The following IL1RAPL1 variants were observed in gnomAD, a reference collection of about 807,000 sequenced individuals.
IL1RAPL1 encodes interleukin-1 receptor accessory protein-like 1.
In IL1RAPL1, 3 loss-of-function variants were observed where a neutral mutation model predicts 48.4. The observed-to-expected ratio is 0.06, with a 90% CI of 0.03 to 0.16. The LOEUF (loss-of-function observed/expected upper bound fraction) is 0.16. IL1RAPL1 is among the 10% of genes least tolerant of loss of function. The pLI is 1.00. For synonymous variants in IL1RAPL1, 185 were observed against 187.7 expected (o/e 0.99, Z 0.12); for missense variants, 349 against 530.6 (o/e 0.66, Z 3.36).
intron 6 of IL1RAPL1, among the ~76,000 whole-genome samples, chrX:29,875,495 C>T (rs1198055469): frequency 9.0e-6 from 1 of 111,233 alleles, no homozygotes; most frequent in Non-Finnish European, 1.9e-5. Flanking sequence ...TTCCTGAGCC[C>T]GCTACAGATT....
intron 5 of IL1RAPL1, among the ~76,000 whole-genome samples, chrX:29,599,007 TGGAGTTTTGA>T (rs1300971632): frequency 8.9e-6 from 1 of 112,199 alleles, no homozygotes; most frequent in Non-Finnish European, 1.9e-5. Flanking sequence ...TCTTTTAAAG[TGGAGTTTTGA>T]GGTCATTTAC....
At chrX:29,080,980 CTTTCTT>C (rs1436180833) in intron 2 of IL1RAPL1, among the ~76,000 whole-genome samples, 42 of 43,557 alleles carry the variant, frequency 9.6e-4, no homozygotes, top group East Asian at 4.2e-3. Context: ...TTCTTTCTTT[CTTTCTT>C]TCTTTCTTTC....
At chrX:29,319,520 A>T (rs1343999020) in intron 3 of IL1RAPL1, among the ~76,000 whole-genome samples, 3 of 79,633 alleles carry the variant, frequency 3.8e-5, no homozygotes, top group African/African-American at 6.0e-5. Context: ...GATATTTTGT[A>T]TGTATGTATG....
At chrX:28,736,159 C>T (rs759432351) in intron 1 of IL1RAPL1, among the ~76,000 whole-genome samples, 3 of 111,099 alleles carry the variant, frequency 2.7e-5, no homozygotes, top group Admixed American at 9.6e-5. Context: ...ACAGGCTGGG[C>T]GTGGTGGCTC....
rs144206407 is a variant in IL1RAPL1 at position 28,631,442 on chromosome X, T to C, written c.-25+43395T>C. 8.8e-3 allele frequency among the ~76,000 whole-genome samples: 983 copies of C among 111,585 alleles called. 12 individuals are homozygous for C. The highest frequency in any genetic ancestry group is 0.03 in the African/African-American group (928 of 30,724). ...AAAGAGCAATAAAATAAAATAAATA[T>C]CTAATTGCACACTGTAATAAGTGCT... On this transcript the variant is annotated intron_variant, in intron 1 of 10. Transcript: ENST00000378993.
chrX:29,548,556 T>A (rs1921703735), intron 5 of IL1RAPL1, among the ~76,000 whole-genome samples: 2 of 112,348 alleles, frequency 1.8e-5, no homozygotes, highest in Admixed American at 1.9e-4. Flanking sequence ...AACTAATATA[T>A]GTTTTTAAAA....
At chrX:29,052,083 T>C (rs939442692) in intron 2 of IL1RAPL1, among the ~76,000 whole-genome samples, 24 of 112,311 alleles carry the variant, frequency 2.1e-4, no homozygotes, top group African/African-American at 7.7e-4. Context: ...TAAATGGGAA[T>C]TTAGCACCTC....
chrX:29,612,270 C>T (rs1261828017), intron 5 of IL1RAPL1, among the ~76,000 whole-genome samples: 1 of 110,165 alleles, frequency 9.1e-6, no homozygotes, highest in Non-Finnish European at 1.9e-5. Flanking sequence ...GTCAATGGAC[C>T]CTTTAGAGTT....
intron 1 of IL1RAPL1, among the ~76,000 whole-genome samples, chrX:28,645,957 T>C (rs1934603484): frequency 8.9e-6 from 1 of 111,957 alleles, no homozygotes; most frequent in Admixed American, 9.5e-5. Context: ...CAAATGCATA[T>C]AACCTGTGAG....
chrX:29,308,264 C>T (rs185565792), intron 3 of IL1RAPL1, among the ~76,000 whole-genome samples: 109 of 111,704 alleles, frequency 9.8e-4, no homozygotes, highest in African/African-American at 3.2e-3. Context: ...ACCCCTATCT[C>T]CTCTAGTCTT....
Position 29,640,592 on chromosome X carries a change from T to A in IL1RAPL1, c.704-27838T>A, listed in dbSNP as rs192777399. 3.6e-5 allele frequency among the ~76,000 whole-genome samples: 4 copies of A among 111,966 alleles called. No individual in the cohort carries two copies. In the East Asian group the frequency reaches 1.1e-3, roughly 32 times the overall value. Reference sequence around the variant, plus strand: ...TCTTCCCACAGGAGTAAATGGCAACTCCATTCTTGTGGTTGCTCCAGCCAA... The same window carrying A: ...TCTTCCCACAGGAGTAAATGGCAACACCATTCTTGTGGTTGCTCCAGCCAA... On this transcript the variant is annotated intron_variant, in intron 5 of 10. Transcript: ENST00000378993.
intron 2 of IL1RAPL1, among the ~76,000 whole-genome samples, chrX:29,029,507 T>C (rs1926568583): frequency 8.9e-6 from 1 of 111,918 alleles, no homozygotes; most frequent in South Asian, 3.7e-4. Context: ...ATCTCTCAAC[T>C]GATTTCTTTA....
intron 2 of IL1RAPL1, among the ~76,000 whole-genome samples, chrX:29,121,220 A>G (rs141683743): frequency 8.0e-4 from 90 of 112,219 alleles, no homozygotes; most frequent in African/African-American, 2.7e-3. Context: ...TCAACATCAT[A>G]CTGGAAGTCT....
intron 3 of IL1RAPL1, among the ~76,000 whole-genome samples, chrX:29,373,652 A>G (rs987687995): frequency 1.4e-4 from 15 of 110,272 alleles, no homozygotes; most frequent in African/African-American, 4.9e-4. Flanking sequence ...TTTGGATTTT[A>G]TCAAAAGCTT....
chrX:29,502,360 A>G (rs1048457754), intron 5 of IL1RAPL1, among the ~76,000 whole-genome samples: 1 of 111,207 alleles, frequency 9.0e-6, no homozygotes, highest in African/African-American at 3.3e-5. Flanking sequence ...ATTATATCGA[A>G]TAAAGGTAGT....
intron 5 of IL1RAPL1, among the ~76,000 whole-genome samples, chrX:29,545,223 CTATCTATCT>C (rs1337465098): frequency 1.8e-5 from 2 of 108,745 alleles, no homozygotes; most frequent in African/African-American, 3.4e-5. Flanking sequence ...ATCTATCTAT[CTATCTATCT>C]ATCTATCTAT....
At chrX:29,470,329 G>A (rs1408440549) in intron 5 of IL1RAPL1, among the ~76,000 whole-genome samples, 1 of 111,653 alleles carries the variant, frequency 9.0e-6, no homozygotes, top group African/African-American at 3.3e-5. Flanking sequence ...GGAATTTAAA[G>A]CTTTTCACTT....
In IL1RAPL1 at chrX:29,240,338, G is replaced by A. The variant is rs1931400715; in HGVS notation, c.83-42600G>A. Among the ~76,000 whole-genome samples, 3 of 96,069 alleles carry A rather than the reference G, an allele frequency of 3.1e-5. No individual in the cohort carries two copies. In the Admixed American group the frequency reaches 3.7e-4, roughly 12 times the overall value. 83.4% of individuals were successfully genotyped at this position (96,069 alleles called of 115,157 possible). On this transcript the variant is annotated intron_variant, in intron 2 of 10. Transcript: ENST00000378993. ...CAACCTCTGTCTCCCAGGTTCAAGC[G>A]ATTTTCCTGCCTCAGCCTCCCTAGT...
chrX:28,610,559 G>A (rs958349533), intron 1 of IL1RAPL1, among the ~76,000 whole-genome samples: 3 of 112,150 alleles, frequency 2.7e-5, no homozygotes, highest in African/African-American at 9.7e-5. Flanking sequence ...AAAGTATATC[G>A]GTAGCAGTTA....
Sources: gnomAD v4.1 joint callset for allele counts (sites outside exome capture counted in the v4.1 genomes callset) on GRCh38, gnomAD v4.1.1 for gene constraint, MANE v1.5 for transcripts, NCBI Gene and HGNC (gene_info 2026-07-23, HGNC 2026-07-21) for gene names.